Variants in PDE10A observed in about 807,000 individuals in gnomAD.
The protein encoded by PDE10A is cAMP and cAMP-inhibited cGMP 3',5'-cyclic phosphodiesterase 10A.
Under a neutral mutation model 97.7 loss-of-function variants are expected in PDE10A, and 39 were observed. That is an observed-to-expected ratio of 0.40 (90% CI 0.31 to 0.52). The LOEUF (loss-of-function observed/expected upper bound fraction) is 0.52. Ranked by LOEUF, PDE10A falls within the 20% of genes least tolerant of loss-of-function variation. The pLI, the probability that PDE10A is intolerant of heterozygous loss-of-function variation, is 0.56. For missense variants in PDE10A, 731 were observed against 1,047.8 expected (o/e 0.70, Z 4.17); for synonymous variants, 371 against 376.8 (o/e 0.98, Z 0.18).
At chr6:165,931,227 T>C (rs1381460392) in intron 1 of PDE10A, among the ~76,000 whole-genome samples, 1 of 152,250 alleles carries the variant, frequency 6.6e-6, no homozygotes, top group Non-Finnish European at 1.5e-5. Context: ...CTGGCACTCA[T>C]GAGCACCTTG....
rs543147331 is a variant in PDE10A at position 165,859,824 on chromosome 6, T to G, written c.-615+127705A>C. ...GCACTGGTTGATTGATGGTAAAGAA[T>G]ATATCATATATATATGATGGAATAC... On this transcript the variant is annotated intron_variant, in intron 1 of 19. Transcript: ENST00000366882. 2.6e-5 allele frequency among the ~76,000 whole-genome samples: 4 copies of G among 152,302 alleles called. No homozygotes were observed. The South Asian group carries it at 8.3e-4, about 32-fold the overall frequency.
intron 1 of PDE10A, among the ~76,000 whole-genome samples, chr6:165,825,345 G>C (rs575461967): frequency 1.1e-3 from 174 of 152,098 alleles, no homozygotes; most frequent in African/African-American, 4.0e-3. Flanking sequence ...TGGCAAAGTG[G>C]TTTTTAATTG....
intron 1 of PDE10A, among the ~76,000 whole-genome samples, chr6:165,883,161 G>T (rs1781533814): frequency 6.6e-6 from 1 of 152,068 alleles, no homozygotes; most frequent in African/African-American, 2.4e-5. Context: ...GCTTGAACCT[G>T]GGAAGCAGAG....
chr6:165,496,374 G>C (rs1448669698), intron 2 of PDE10A, among the ~76,000 whole-genome samples: 1 of 152,128 alleles, frequency 6.6e-6, no homozygotes, highest in Non-Finnish European at 1.5e-5. Context: ...GACAGGTTTG[G>C]AGTCAATAGA....
chr6:165,885,517 C>T (rs1206141139), intron 1 of PDE10A, among the ~76,000 whole-genome samples: 1 of 152,166 alleles, frequency 6.6e-6, no homozygotes, highest in African/African-American at 2.4e-5. Flanking sequence ...GGTGGAGACA[C>T]GGAGGCAAAC....
intron 1 of PDE10A, among the ~76,000 whole-genome samples, chr6:165,684,295 A>T (rs1373529232): frequency 6.6e-6 from 1 of 152,234 alleles, no homozygotes; most frequent in Admixed American, 6.5e-5. Flanking sequence ...TGCCTGGTCC[A>T]TATGGACACA....
intron 2 of PDE10A, among the ~76,000 whole-genome samples, chr6:165,511,081 T>C (rs757863043): frequency 6.6e-5 from 10 of 152,008 alleles, no homozygotes; most frequent in Non-Finnish European, 1.5e-4. Context: ...AGATTTAGTT[T>C]ATTCTTGCTT....
chr6:165,618,989 GTAGTC>G lies in PDE10A; in HGVS notation c.865+42953_865+42957del, dbSNP rs1327942515. On this transcript the variant is annotated intron_variant, in intron 1 of 21. Coordinates refer to ENST00000539869, the MANE Select transcript of PDE10A (RefSeq NM_001385079.1). The stretch of plus-strand genomic sequence containing the variant: ...CTAGTGTAGTGTAGTCTAGTGTAGT[GTAGTC>G]TAGTGTAGTGTAGTCTAGTGTAGTC... Among the ~76,000 whole-genome samples the G allele has an allele frequency of 2.0e-4, 28 of 139,996 alleles. 2 individuals carry two copies. The highest frequency in any genetic ancestry group is 4.4e-4 in the East Asian group (2 of 4,538). The allele number at this position is 139,996 out of a possible 152,430, so 91.8% of individuals were successfully genotyped here.
intron 1 of PDE10A, among the ~76,000 whole-genome samples, chr6:165,588,464 T>C (rs1420180655): frequency 6.6e-6 from 1 of 151,920 alleles, no homozygotes; most frequent in African/African-American, 2.4e-5. Flanking sequence ...CTAATTTTTG[T>C]ATTTTTAGTG....
chr6:165,843,579 G>A (rs1780320796), intron 1 of PDE10A, among the ~76,000 whole-genome samples: 1 of 152,180 alleles, frequency 6.6e-6, no homozygotes, highest in African/African-American at 2.4e-5. Flanking sequence ...GGACGGACAG[G>A]CTCCCTGAAG....
chr6:165,661,577 A>C lies in PDE10A; in HGVS notation c.865+370T>G. ...GTGGCCACAGGCTCAAGAGGGAGGAACCTAAGTGGTCACAAAGTTGAGTAT... is the reference window on the plus strand; with the variant it reads ...GTGGCCACAGGCTCAAGAGGGAGGACCCTAAGTGGTCACAAAGTTGAGTAT... On this transcript the variant is annotated intron_variant, in intron 1 of 21. Coordinates refer to ENST00000539869, the MANE Select transcript of PDE10A (RefSeq NM_001385079.1). This position sits in a 1 kb window ranked among gnomAD's most constrained non-coding sequence, Gnocchi z 4.8. 1.5e-5 allele frequency: 3 copies of C among 201,000 alleles called. No homozygotes were observed. The highest frequency in any genetic ancestry group is 1.3e-4 in the East Asian group (1 of 7,426). 12.5% of individuals were successfully genotyped at this position (201,000 alleles called of 1,614,324 possible).
intron 12 of PDE10A, among the ~76,000 whole-genome samples, chr6:165,415,212 G>A (rs1180701990): frequency 6.6e-6 from 1 of 152,160 alleles, no homozygotes; most frequent in African/African-American, 2.4e-5. Context: ...TAAATGATGA[G>A]TTTGGACTTT....
chr6:165,979,960 G>A (rs1784962040), intron 1 of PDE10A, among the ~76,000 whole-genome samples: 1 of 152,132 alleles, frequency 6.6e-6, no homozygotes, highest in Non-Finnish European at 1.5e-5. Context: ...ATTCCTCAAT[G>A]TTTATTCTAC....
At chr6:165,554,524 CG>C (rs1305067284) in intron 1 of PDE10A, among the ~76,000 whole-genome samples, 3 of 151,926 alleles carry the variant, frequency 2.0e-5, no homozygotes, top group Admixed American at 6.6e-5. Flanking sequence ...CAAATACTGG[CG>C]AGGATGTAGA....
rs1192904898 is a variant in PDE10A, at chr6:165,413,626, G to A, written c.1951C>T (p.Arg651Ter). ...TGCACCACACCTATCACGCTGCCTC[G>A]GCTGACGATGGGCATGCACAGGATG... ...RNILCMPIVS[R>*]GSVIGVVQMV... Residue 651 changes from arginine (R) to a stop codon, truncating the protein, a stop_gained, in exon 13 of 22, where the codon CGA becomes TGA. Coordinates refer to ENST00000539869, the MANE Select transcript of PDE10A (RefSeq NM_001385079.1). LOFTEE classifies it high-confidence loss of function. The A allele has an allele frequency of 5.0e-6, 8 of 1,614,044 alleles. No individual in the cohort carries two copies. Among genetic ancestry groups the A allele is most frequent in the Admixed American group, 1.7e-5 (1 of 60,002 alleles).
rs143933222 is a variant in PDE10A at position 165,736,961 on chromosome 6, G to T, written c.-614-193393C>A. Among the ~76,000 whole-genome samples, 264 of 152,216 alleles carry T rather than the reference G, an allele frequency of 1.7e-3. 2 individuals carry two copies. The highest frequency in any genetic ancestry group is 1.8e-3 in the Non-Finnish European group (125 of 68,012). ...AATAAGCAAAATCATAAATGAAAGA[G>T]GAGACACTACATCCGATACTACAGA... On this transcript the variant is annotated intron_variant, in intron 1 of 19. Coordinates refer to the PDE10A transcript ENST00000366882.
intron 1 of PDE10A, among the ~76,000 whole-genome samples, chr6:165,979,099 G>A (rs1451992924): frequency 2.6e-5 from 4 of 152,208 alleles, no homozygotes; most frequent in Non-Finnish European, 4.4e-5. Context: ...TTATTACTCA[G>A]AGTGAGGCTT....
In PDE10A at chr6:165,821,300, G is replaced by T. The variant is rs1369621116; in HGVS notation, c.-615+166229C>A. Reference sequence around the variant, plus strand: ...CACTCCACTTCACTCAATGCCTCTTGACAACCTGACCTTTCCTTCCCTTTC... The same window carrying T: ...CACTCCACTTCACTCAATGCCTCTTTACAACCTGACCTTTCCTTCCCTTTC... On this transcript the variant is annotated intron_variant, in intron 1 of 19. Coordinates refer to the PDE10A transcript ENST00000366882. Among the ~76,000 whole-genome samples the T allele has an allele frequency of 4.6e-5, 7 of 152,164 alleles. No homozygotes were observed. In the East Asian group the frequency reaches 1.3e-3, roughly 29 times the overall value.
chr6:165,526,091 A>C (rs528153569), intron 2 of PDE10A, among the ~76,000 whole-genome samples: 3 of 152,182 alleles, frequency 2.0e-5, no homozygotes, highest in South Asian at 4.1e-4. Flanking sequence ...TTATGCGGTG[A>C]ATCTTTCTCT....
Sources: allele counts gnomAD v4.1 joint callset (sites outside exome capture counted in the v4.1 genomes callset), GRCh38; gene constraint gnomAD v4.1.1; non-coding constraint Gnocchi (gnomAD v3.1); transcripts MANE v1.5; gene names NCBI Gene and HGNC (gene_info 2026-07-23, HGNC 2026-07-21).